Variants in SYT15B observed in about 807,000 individuals in gnomAD.
SYT15B encodes synaptotagmin-15.
At chr10:47,748,505 A>G in the SYT15B span, among the ~76,000 whole-genome samples, 8 of 152,238 alleles carry the variant, frequency 5.3e-5, no homozygotes, top group Admixed American at 4.6e-4. Flanking sequence ...GAGCCACCGC[A>G]CCCGACCCAG....
chr10:47,762,995 C>G, the SYT15B span: 2 of 1,195,526 alleles, frequency 1.7e-6, no homozygotes, highest in Non-Finnish European at 2.1e-6. Flanking sequence ...GGTGAGAGTA[C>G]CACCCCCATC....
the SYT15B span, chr10:47,750,746 A>AATTTT: frequency 3.4e-5 from 5 of 147,930 alleles, no homozygotes; most frequent in South Asian, 2.2e-4. Flanking sequence ...CTTAAATCTA[A>AATTTT]ATTTTATTTT....
the SYT15B span, chr10:47,753,056 C>G: frequency 2.6e-6 from 1 of 381,098 alleles, no homozygotes; most frequent in Admixed American, 6.7e-5. Flanking sequence ...TGCAGTGAGC[C>G]GAGATCACGC....
the SYT15B span, among the ~76,000 whole-genome samples, chr10:47,756,921 G>A: frequency 7.0e-6 from 1 of 143,432 alleles, no homozygotes; most frequent in Admixed American, 7.0e-5. Flanking sequence ...AGTTCAAAGA[G>A]CCAAGACGCT....
chr10:47,756,390 T>G, the SYT15B span, among the ~76,000 whole-genome samples: 1 of 113,190 alleles, frequency 8.8e-6, no homozygotes, highest in Non-Finnish European at 1.8e-5. Context: ...GGCTGAGGAG[T>G]GCACTGCCCT....
chr10:47,750,362 AT>A, the SYT15B span, among the ~76,000 whole-genome samples: 93 of 134,804 alleles, frequency 6.9e-4, no homozygotes, highest in African/African-American at 2.3e-3. Context: ...TACTTATTTT[AT>A]TTTTTTGTTT....
chr10:47,757,540 G>A, the SYT15B span, among the ~76,000 whole-genome samples: 1 of 75,396 alleles, frequency 1.3e-5, no homozygotes, highest in African/African-American at 3.7e-5. Flanking sequence ...CACAGCTAAG[G>A]AGTCACACCC....
chr10:47,763,200 G>A, the SYT15B span: 1 of 988,824 alleles, frequency 1.0e-6, no homozygotes, highest in African/African-American at 1.8e-5. Flanking sequence ...CGCGGGTCCC[G>A]GGCCCCAGCG....
the SYT15B span, chr10:47,753,284 A>C: frequency 8.7e-6 from 4 of 459,738 alleles, no homozygotes; most frequent in Non-Finnish European, 1.0e-5. Context: ...GCTGCTCACT[A>C]GCTTGAGTGC....
At chr10:47,757,686 TC>T in the SYT15B span, among the ~76,000 whole-genome samples, 50 of 114,282 alleles carry the variant, frequency 4.4e-4, no homozygotes, top group Non-Finnish European at 8.6e-4. Context: ...TTCAGGTTGC[TC>T]CAGGGGGTCT....
At chr10:47,762,147 A>G in the SYT15B span, among the ~76,000 whole-genome samples, 1 of 146,514 alleles carries the variant, frequency 6.8e-6, no homozygotes, top group Non-Finnish European at 1.5e-5. Flanking sequence ...CTTCTCTAAC[A>G]CCCGCTCCCT....
chr10:47,748,865 C>CAAAAA, the SYT15B span, among the ~76,000 whole-genome samples: 1 of 145,138 alleles, frequency 6.9e-6, no homozygotes, highest in Non-Finnish European at 1.5e-5. Flanking sequence ...TGAAGTTCCT[C>CAAAAA]AAAGAAAAAA....
the SYT15B span, among the ~76,000 whole-genome samples, chr10:47,755,217 A>G: frequency 6.6e-6 from 1 of 151,238 alleles, no homozygotes; most frequent in Non-Finnish European, 1.5e-5. Flanking sequence ...GGTCTCCCAA[A>G]GTGCTAGGAT....
chr10:47,747,315 T>A, the SYT15B span, among the ~76,000 whole-genome samples: 1 of 151,678 alleles, frequency 6.6e-6, no homozygotes, highest in African/African-American at 2.4e-5. Flanking sequence ...AAAGGAACAC[T>A]TTCCCCTTGA....
the SYT15B span, among the ~76,000 whole-genome samples, chr10:47,762,181 G>T: frequency 6.6e-6 from 1 of 151,438 alleles, no homozygotes; most frequent in Non-Finnish European, 1.5e-5. Flanking sequence ...ATCAAGGTGA[G>T]CACGCGCTTA....
the SYT15B span, among the ~76,000 whole-genome samples, chr10:47,747,140 C>T: frequency 4.0e-5 from 6 of 150,092 alleles, no homozygotes; most frequent in Admixed American, 2.0e-4. Flanking sequence ...CTTCAGGAAA[C>T]GTGCTGATTT....
chr10:47,755,050 G>A, the SYT15B span, among the ~76,000 whole-genome samples: 6 of 143,826 alleles, frequency 4.2e-5, no homozygotes, highest in African/African-American at 7.8e-5. Flanking sequence ...TCTGCCTCCC[G>A]GGTTCAAGTG....
chr10:47,748,401 C>T, the SYT15B span, among the ~76,000 whole-genome samples: 23 of 150,982 alleles, frequency 1.5e-4, no homozygotes, highest in South Asian at 2.1e-4. Context: ...TTAGTGGAGA[C>T]GGGGTTTCAC....
the SYT15B span, among the ~76,000 whole-genome samples, chr10:47,749,413 T>C: frequency 1.3e-5 from 2 of 151,170 alleles, no homozygotes; most frequent in South Asian, 4.2e-4. Flanking sequence ...TGAATACAAA[T>C]GAATATTGAC....
Sources: allele counts gnomAD v4.1 joint callset (sites outside exome capture counted in the v4.1 genomes callset), GRCh38; gene constraint gnomAD v4.1.1; transcripts MANE v1.5; gene names NCBI Gene and HGNC (gene_info 2026-07-23, HGNC 2026-07-21).